Variants in THEMIS observed in about 807,000 individuals in gnomAD.
THEMIS encodes thymocyte selection associated.
A neutral mutation model predicts 52.6 loss-of-function variants in THEMIS; 37 were observed. That is an observed-to-expected ratio of 0.70 (90% CI 0.54 to 0.93). The LOEUF is 0.93. Among genes scored for constraint, THEMIS ranks in the 40% least tolerant of loss-of-function variants. The pLI, the probability that THEMIS is intolerant of heterozygous loss-of-function variation, is 0.00. For missense variants in THEMIS, 808 were observed against 763.1 expected, an observed-to-expected ratio of 1.06 and a Z score of -0.69; for synonymous variants, 292 against 272.7, an observed-to-expected ratio of 1.07 and a Z score of -0.70.
intron 4 of THEMIS, among the ~76,000 whole-genome samples, chr6:127,730,291 G>GAAAAGAAAAGAAAAGAAAAGAAAAT (rs1774726578): frequency 8.3e-6 from 1 of 121,134 alleles, no homozygotes; most frequent in Non-Finnish European, 1.8e-5. Context: ...GAAAAGAAAA[G>GAAAAGAAAAGAAAAGAAAAGAAAAT]AAAAGAAAAG....
intron 1 of THEMIS, among the ~76,000 whole-genome samples, chr6:127,881,935 A>G (rs1780496289): frequency 6.6e-6 from 1 of 150,998 alleles, no homozygotes; most frequent in Admixed American, 6.6e-5. Flanking sequence ...CTTCTACTAT[A>G]TATTCCTTGA....
chr6:127,704,883 A>T (rs1562201972), downstream of THEMIS, among the ~76,000 whole-genome samples: 1 of 152,226 alleles, frequency 6.6e-6, no homozygotes, highest in Non-Finnish European at 1.5e-5. Context: ...AAGTGGATCC[A>T]TTCATGTATG....
chr6:127,800,103 C>T (rs1451213739), intron 4 of THEMIS, among the ~76,000 whole-genome samples: 3 of 152,044 alleles, frequency 2.0e-5, no homozygotes, highest in Non-Finnish European at 4.4e-5. Flanking sequence ...TGTTGATGAG[C>T]TTTTTCTCAT....
chr6:127,739,145 C>T (rs544738813), intron 4 of THEMIS, among the ~76,000 whole-genome samples: 2 of 152,216 alleles, frequency 1.3e-5, no homozygotes, highest in African/African-American at 4.8e-5. Flanking sequence ...ACCCACCACT[C>T]CATGACAAAC....
intron 3 of THEMIS, among the ~76,000 whole-genome samples, chr6:127,818,860 C>T (rs1778225440): frequency 6.6e-6 from 1 of 151,854 alleles, no homozygotes; most frequent in Non-Finnish European, 1.5e-5. Context: ...TGGCTCACGC[C>T]TGTAATCCCA....
At chr6:127,762,349 T>A (rs270007) in intron 4 of THEMIS, among the ~76,000 whole-genome samples, 43,648 of 151,912 alleles carry the variant, frequency 0.29, 7,343 homozygotes, top group Non-Finnish European at 0.39. Context: ...TTCAACAATA[T>A]TATATTGTAT....
chr6:127,749,808 G>C (rs1176106489), intron 4 of THEMIS, among the ~76,000 whole-genome samples: 1 of 151,302 alleles, frequency 6.6e-6, no homozygotes, highest in South Asian at 2.1e-4. Flanking sequence ...GTTTATTAGA[G>C]CAAAATACAT....
chr6:127,885,476 TA>T (rs1039129886), intron 1 of THEMIS, among the ~76,000 whole-genome samples: 10 of 151,618 alleles, frequency 6.6e-5, no homozygotes, highest in South Asian at 2.1e-4. Context: ...TGATAAAAAA[TA>T]AAAAAAACTA....
chr6:127,907,941 GAA>G (rs1436743253), intron 1 of THEMIS, among the ~76,000 whole-genome samples: 1 of 151,708 alleles, frequency 6.6e-6, no homozygotes, highest in Non-Finnish European at 1.5e-5. Context: ...TAATTTATAA[GAA>G]TGAATATGAA....
intron 4 of THEMIS, among the ~76,000 whole-genome samples, chr6:127,767,799 C>A (rs912950461): frequency 1.3e-5 from 2 of 152,074 alleles, no homozygotes; most frequent in African/African-American, 4.8e-5. Context: ...TTTTATACAA[C>A]CACCAATGCA....
chr6:127,722,739 G>A (rs769097005), intron 4 of THEMIS, among the ~76,000 whole-genome samples: 1 of 151,874 alleles, frequency 6.6e-6, no homozygotes, highest in Non-Finnish European at 1.5e-5. Context: ...CTGCTACTTT[G>A]ATATTCCTGT....
intron 4 of THEMIS, among the ~76,000 whole-genome samples, chr6:127,789,246 C>G (rs973164432): frequency 6.6e-6 from 1 of 152,166 alleles, no homozygotes; most frequent in East Asian, 1.9e-4. Flanking sequence ...ACTATAAACA[C>G]CTCTATGCAA....
intron 4 of THEMIS, among the ~76,000 whole-genome samples, chr6:127,805,121 C>T (rs1193531086): frequency 3.3e-5 from 5 of 151,976 alleles, no homozygotes; most frequent in Non-Finnish European, 7.4e-5. Context: ...AGTCAACAGC[C>T]TTCTGATTTT....
intron 4 of THEMIS, among the ~76,000 whole-genome samples, chr6:127,797,466 A>G (rs945122189): frequency 4.6e-5 from 7 of 152,174 alleles, no homozygotes; most frequent in African/African-American, 1.7e-4. Context: ...TCATTCTGCT[A>G]TTGACATAAG....
intron 1 of THEMIS, among the ~76,000 whole-genome samples, chr6:127,868,672 T>A (rs975667520): frequency 5.3e-5 from 8 of 152,160 alleles, no homozygotes; most frequent in Non-Finnish European, 1.0e-4. Flanking sequence ...TGTATAGATG[T>A]ATCTGTCATA....
At chr6:127,917,054 G>A (rs1781541758) in intron 1 of THEMIS, among the ~76,000 whole-genome samples, 1 of 152,160 alleles carries the variant, frequency 6.6e-6, no homozygotes, top group Non-Finnish European at 1.5e-5. Context: ...AGTCTATAGG[G>A]TCTAGAAAAA....
intron 2 of THEMIS, among the ~76,000 whole-genome samples, chr6:127,847,162 C>T (rs1024876918): frequency 1.3e-5 from 2 of 151,880 alleles, no homozygotes; most frequent in Non-Finnish European, 2.9e-5. Context: ...ATATGACAAA[C>T]CCACAGCCAA....
intron 1 of THEMIS, among the ~76,000 whole-genome samples, chr6:127,897,150 A>G (rs1424559498): frequency 6.6e-6 from 1 of 151,456 alleles, no homozygotes. Context: ...ATATACAAAA[A>G]CATAAACCCA....
At chr6:127,861,938 T>A (rs1231099435) in intron 1 of THEMIS, among the ~76,000 whole-genome samples, 1 of 152,128 alleles carries the variant, frequency 6.6e-6, no homozygotes, top group Non-Finnish European at 1.5e-5. Flanking sequence ...TTTATTTTTA[T>A]AACTCATTTT....
Sources: gnomAD v4.1 joint callset for allele counts (sites outside exome capture counted in the v4.1 genomes callset) on GRCh38, gnomAD v4.1.1 for gene constraint, MANE v1.5 for transcripts, NCBI Gene and HGNC (gene_info 2026-07-23, HGNC 2026-07-21) for gene names.